The following PARD3 variants were observed in gnomAD, a reference collection of about 807,000 sequenced individuals.
PARD3 encodes the protein par-3 family cell polarity regulator, also known as partitioning defective 3 homolog.
PARD3 carries 75 observed loss-of-function variants against 155.4 expected under a neutral mutation model. The observed-to-expected ratio is 0.48, with a 90% CI of 0.40 to 0.58. The LOEUF is 0.58. PARD3 is among the 20% of genes least tolerant of loss of function. The probability of loss-of-function intolerance (pLI) is 0.00; values close to 1 mark genes in which losing one functional copy is unlikely to be tolerated. For synonymous variants in PARD3, 576 were observed against 610.5 expected (o/e 0.94, Z 0.83); for missense variants, 1,642 against 1,721.7 (o/e 0.95, Z 0.82).
chr10:34,710,546 A>G lies in PARD3; in HGVS notation c.121-14127T>C, dbSNP rs149856625. 5.3e-4 allele frequency among the ~76,000 whole-genome samples: 80 copies of G among 152,284 alleles called. 1 individual carries two copies. The East Asian group carries it at 6.9e-3, about 13-fold the overall frequency. ...ATCTTCACAAAATATTCCCTTTATC[A>G]TGTGACTGTCCTGTAATATGAGTCA... On this transcript the variant is annotated intron_variant, in intron 1 of 24. Transcript: ENST00000374788.
At chr10:34,802,319 G>A (rs1048098016) in intron 1 of PARD3, among the ~76,000 whole-genome samples, 3 of 151,530 alleles carry the variant, frequency 2.0e-5, no homozygotes, top group African/African-American at 4.8e-5. Context: ...CAGACAACCT[G>A]GAAAAACAAC....
At chr10:34,642,135 A>G (rs1005414817) in intron 2 of PARD3, among the ~76,000 whole-genome samples, 4 of 151,922 alleles carry the variant, frequency 2.6e-5, no homozygotes, top group South Asian at 4.2e-4. Flanking sequence ...ACCTGGGTAC[A>G]TGGGATCCCC....
chr10:34,343,813 C>T (rs1837094272), intron 15 of PARD3: 5 of 972,088 alleles, frequency 5.1e-6, no homozygotes, highest in Non-Finnish European at 4.9e-6. Flanking sequence ...TAACTAGTGA[C>T]CTACAAACTA....
intron 15 of PARD3, among the ~76,000 whole-genome samples, chr10:34,347,369 G>C (rs189762390): frequency 5.7e-4 from 87 of 152,318 alleles, no homozygotes; most frequent in Non-Finnish European, 1.1e-3. Context: ...TTACCCACTG[G>C]GGGCCATGCA....
At chr10:34,631,293 A>G (rs2092257282) in intron 2 of PARD3, among the ~76,000 whole-genome samples, 1 of 152,112 alleles carries the variant, frequency 6.6e-6, no homozygotes, top group Non-Finnish European at 1.5e-5. Flanking sequence ...AAACACAATC[A>G]CATACGGCCC....
At chr10:34,111,792 T>C (rs1946397211) in intron 24 of PARD3, among the ~76,000 whole-genome samples, 1 of 152,164 alleles carries the variant, frequency 6.6e-6, no homozygotes, top group Non-Finnish European at 1.5e-5. Flanking sequence ...GAGAGAGAAC[T>C]AGACTGTGCA....
chr10:34,710,552 C>A (rs1564533806), intron 1 of PARD3, among the ~76,000 whole-genome samples: 1 of 152,168 alleles, frequency 6.6e-6, no homozygotes, highest in African/African-American at 2.4e-5. Context: ...TATCATGTGA[C>A]TGTCCTGTAA....
intron 22 of PARD3, among the ~76,000 whole-genome samples, chr10:34,255,126 G>A (rs1013259344): frequency 2.0e-5 from 3 of 150,422 alleles, no homozygotes; most frequent in South Asian, 2.1e-4. Context: ...AATAATTTAC[G>A]ATTTAAATCA....
At chr10:34,526,023 G>A (rs777976063) in intron 2 of PARD3, among the ~76,000 whole-genome samples, 3 of 148,798 alleles carry the variant, frequency 2.0e-5, no homozygotes, top group Admixed American at 6.7e-5. Flanking sequence ...TGGAGGTTGC[G>A]GTGAGCCAAG....
chr10:34,339,335 C>A (rs1202704296), intron 16 of PARD3, among the ~76,000 whole-genome samples: 1 of 150,432 alleles, frequency 6.6e-6, no homozygotes, highest in Admixed American at 6.6e-5. Context: ...CCAGCCTGGG[C>A]AACAGAGCGA....
intron 5 of PARD3, among the ~76,000 whole-genome samples, chr10:34,425,997 C>G: frequency 6.6e-6 from 1 of 152,068 alleles, no homozygotes; most frequent in East Asian, 1.9e-4. Flanking sequence ...TATCTGAGGA[C>G]AGAGTTGAAT....
At chr10:34,270,003 T>G (rs1410754045) in intron 21 of PARD3, 104 bp from the exon 22 acceptor site, 1 of 1,163,804 alleles carries the variant, frequency 8.6e-7, no homozygotes, top group African/African-American at 1.5e-5. Flanking sequence ...TTTGATTTCT[T>G]GCAGCTATAG....
chr10:34,438,194 A>G (rs2076283398), intron 5 of PARD3, among the ~76,000 whole-genome samples: 1 of 152,216 alleles, frequency 6.6e-6, no homozygotes, highest in East Asian at 1.9e-4. Context: ...ACATTCTTGA[A>G]GAAAGTTCAC....
intron 4 of PARD3, among the ~76,000 whole-genome samples, chr10:34,455,882 T>C (rs1455195678): frequency 6.6e-6 from 1 of 152,206 alleles, no homozygotes; most frequent in East Asian, 1.9e-4. Context: ...CCTAATGTTG[T>C]AGAACTGAGG....
intron 20 of PARD3, among the ~76,000 whole-genome samples, chr10:34,297,349 A>G (rs998087436): frequency 3.3e-5 from 5 of 152,182 alleles, no homozygotes; most frequent in African/African-American, 1.2e-4. Flanking sequence ...TCTAAAATCA[A>G]AAAGACTTGG....
At chr10:34,706,336 T>C (rs1051697738) in intron 1 of PARD3, among the ~76,000 whole-genome samples, 7 of 152,204 alleles carry the variant, frequency 4.6e-5, no homozygotes, top group Non-Finnish European at 4.4e-5. Flanking sequence ...TCCCAAGTCC[T>C]TTCTCAGACT....
At chr10:34,403,488 G>A (rs1404607635) in intron 5 of PARD3, among the ~76,000 whole-genome samples, 2 of 152,182 alleles carry the variant, frequency 1.3e-5, no homozygotes, top group African/African-American at 2.4e-5. Flanking sequence ...TTAAATCATT[G>A]AAGAGATAGT....
chr10:34,697,052 ACACC>A lies in PARD3; in HGVS notation c.121-637_121-634del, dbSNP rs1480469385. ...AATGCGTAAACACACACACACACACACACCCCCCTCAAAATTTGCAGTGGTTATC... is the reference window on the plus strand; with the variant it reads ...AATGCGTAAACACACACACACACACACCCCTCAAAATTTGCAGTGGTTATC... On this transcript the variant is annotated intron_variant, in intron 1 of 24. Transcript: ENST00000374788. 2.5e-4 allele frequency among the ~76,000 whole-genome samples: 37 copies of A among 147,024 alleles called. 1 individual carries two copies. The highest frequency in any genetic ancestry group is 3.4e-3 in the Middle Eastern group (1 of 294).
intron 22 of PARD3, among the ~76,000 whole-genome samples, chr10:34,252,581 G>A (rs944060586): frequency 1.3e-5 from 2 of 152,140 alleles, no homozygotes; most frequent in African/African-American, 4.8e-5. Context: ...AGCGGCCCTT[G>A]CTGATCTGTG....
Sources: gnomAD v4.1 joint callset for allele counts (sites outside exome capture counted in the v4.1 genomes callset) on GRCh38, gnomAD v4.1.1 for gene constraint, MANE v1.5 for transcripts, NCBI Gene and HGNC (gene_info 2026-07-23, HGNC 2026-07-21) for gene names.